CSMD1: variants seen among roughly 807,000 people sequenced by gnomAD.
CSMD1 encodes the protein CUB and Sushi multiple domains 1.
CSMD1 carries 213 observed loss-of-function variants against 417.5 expected under a neutral mutation model. That is an observed-to-expected ratio of 0.51 (90% CI 0.46 to 0.57). The LOEUF (loss-of-function observed/expected upper bound fraction) is 0.57. Ranked by LOEUF, CSMD1 falls within the 20% of genes least tolerant of loss-of-function variation. The pLI, the probability that CSMD1 is intolerant of heterozygous loss-of-function variation, is 0.00. For missense variants in CSMD1, 6,923 were observed against 4,529.7 expected, an observed-to-expected ratio of 1.53 and a Z score of -15.17; for synonymous variants, 2,862 against 1,736.8, an observed-to-expected ratio of 1.65 and a Z score of -16.11.
At chr8:4,691,731 C>T (rs1340039903) in intron 1 of CSMD1, among the ~76,000 whole-genome samples, 1 of 152,196 alleles carries the variant, frequency 6.6e-6, no homozygotes, top group Non-Finnish European at 1.5e-5. Flanking sequence ...TCCAGGTACA[C>T]TACATTGGGA....
intron 2 of CSMD1, among the ~76,000 whole-genome samples, chr8:4,571,574 T>C (rs1798895922): frequency 6.6e-6 from 1 of 152,192 alleles, no homozygotes; most frequent in African/African-American, 2.4e-5. Flanking sequence ...ATGTGGTCCA[T>C]TTTAGAATAA....
intron 18 of CSMD1, chr8:3,375,368 C>T (rs1377073465): frequency 1.3e-5 from 2 of 152,104 alleles, no homozygotes; most frequent in Non-Finnish European, 2.9e-5. Context: ...GAAAGCACAG[C>T]CTTGGGCCTG....
At chr8:4,562,061 G>T (rs1357377744) in intron 2 of CSMD1, among the ~76,000 whole-genome samples, 1 of 152,202 alleles carries the variant, frequency 6.6e-6, no homozygotes, top group African/African-American at 2.4e-5. Context: ...CCAGCAAAGA[G>T]ACGTCAATTA....
Position 3,437,568 on chromosome 8 carries a change from C to T in CSMD1, c.1562-27963G>A, listed in dbSNP as rs144131180. Reference sequence around the variant, plus strand: ...ACGTATCCAGGGAAAAACTGGACTGCAGGAGCCCATCCTCAATGAATGTTA... The same window carrying T: ...ACGTATCCAGGGAAAAACTGGACTGTAGGAGCCCATCCTCAATGAATGTTA... On this transcript the variant is annotated intron_variant, in intron 12 of 69. Coordinates refer to ENST00000635120, the MANE Select transcript of CSMD1 (RefSeq NM_033225.6). Among the ~76,000 whole-genome samples, 41 of 152,286 alleles carry T rather than the reference C, an allele frequency of 2.7e-4. 1 individual carries two copies. The highest frequency in any genetic ancestry group is 3.4e-3 in the Middle Eastern group (1 of 294).
intron 3 of CSMD1, among the ~76,000 whole-genome samples, chr8:4,100,374 T>C (rs1450485058): frequency 6.6e-6 from 1 of 152,190 alleles, no homozygotes; most frequent in East Asian, 1.9e-4. Flanking sequence ...CCACCACCCA[T>C]CTCCTTCCAC....
chr8:4,895,282 GA>G (rs1156872274), intron 1 of CSMD1, among the ~76,000 whole-genome samples: 1 of 152,154 alleles, frequency 6.6e-6, no homozygotes, highest in African/African-American at 2.4e-5. Context: ...TTACGATTAT[GA>G]AAATGGTAAG....
chr8:4,233,342 A>C (rs1489343321), intron 3 of CSMD1, among the ~76,000 whole-genome samples: 1 of 152,184 alleles, frequency 6.6e-6, no homozygotes, highest in Non-Finnish European at 1.5e-5. Flanking sequence ...TGACATATTA[A>C]AAGTACCTAC....
rs185652381 is a variant in CSMD1, at chr8:4,780,402, G to A, written c.86-142844C>T. Among the ~76,000 whole-genome samples the A allele has an allele frequency of 8.6e-5, 13 of 150,920 alleles. No homozygotes were observed. The East Asian group carries it at 2.2e-3, about 25-fold the overall frequency. On this transcript the variant is annotated intron_variant, in intron 1 of 69. Coordinates refer to ENST00000635120, the MANE Select transcript of CSMD1 (RefSeq NM_033225.6). ...AGTGGAACTCAAGGCAGTTCATTCT[G>A]ATTGATCAGTCGATCTGTCTGTCTG...
intron 3 of CSMD1, among the ~76,000 whole-genome samples, chr8:4,321,936 G>C (rs2897795): frequency 0.049 from 7,487 of 151,950 alleles, 602 homozygotes; most frequent in African/African-American, 0.17. Flanking sequence ...TTTTATTTCT[G>C]CATTTTTTCA....
At chr8:3,573,560 A>G (rs1563165781) in intron 10 of CSMD1, among the ~76,000 whole-genome samples, 1 of 151,268 alleles carries the variant, frequency 6.6e-6, no homozygotes. Flanking sequence ...GAATTTTTAC[A>G]TAAATAATAA....
At chr8:4,242,463 G>A (rs1218577812) in intron 3 of CSMD1, among the ~76,000 whole-genome samples, 1 of 152,164 alleles carries the variant, frequency 6.6e-6, no homozygotes, top group Admixed American at 6.5e-5. Flanking sequence ...CTATTGTTGT[G>A]AGCATAAATT....
intron 3 of CSMD1, among the ~76,000 whole-genome samples, chr8:4,251,543 C>A (rs1411875737): frequency 7.9e-5 from 12 of 152,114 alleles, no homozygotes; most frequent in Non-Finnish European, 1.6e-4. Context: ...GATCTCTAAG[C>A]AATTTAATCA....
intron 50 of CSMD1, among the ~76,000 whole-genome samples, chr8:3,034,625 TA>T (rs1337637103): frequency 6.6e-6 from 1 of 152,176 alleles, no homozygotes; most frequent in Non-Finnish European, 1.5e-5. Flanking sequence ...CAAAAGGTTA[TA>T]AAAATCAATG....
intron 7 of CSMD1, among the ~76,000 whole-genome samples, chr8:3,639,870 T>C (rs1259236410): frequency 6.6e-6 from 1 of 152,220 alleles, no homozygotes; most frequent in Non-Finnish European, 1.5e-5. Context: ...GAAAAATATG[T>C]GATATGTTCA....
Position 3,834,605 on chromosome 8 carries a change from G to T in CSMD1, c.819-80563C>A, listed in dbSNP as rs530418733. Among the ~76,000 whole-genome samples the T allele has an allele frequency of 1.7e-3, 264 of 152,246 alleles. 1 individual carries two copies. The highest frequency in any genetic ancestry group is 2.9e-3 in the Admixed American group (44 of 15,270). On this transcript the variant is annotated intron_variant, in intron 5 of 69. Coordinates refer to ENST00000635120, the MANE Select transcript of CSMD1 (RefSeq NM_033225.6). ...AATATATAAATGTAACAAATGTGAA[G>T]GTAATACGTTTCAGAGAGTTCTTTG...
chr8:4,600,597 A>C (rs1001192483), intron 2 of CSMD1, among the ~76,000 whole-genome samples: 2 of 152,202 alleles, frequency 1.3e-5, no homozygotes, highest in Non-Finnish European at 2.9e-5. Flanking sequence ...CATTTATTCA[A>C]ATTCAACATC....
chr8:4,764,453 G>A (rs984941770), intron 1 of CSMD1, among the ~76,000 whole-genome samples: 4 of 151,954 alleles, frequency 2.6e-5, no homozygotes, highest in African/African-American at 9.7e-5. Context: ...ATAATTTTAC[G>A]TTATCGTCTG....
intron 18 of CSMD1, 129 bp from the exon 19 acceptor site, chr8:3,369,499 A>C: frequency 1.7e-6 from 1 of 599,060 alleles, no homozygotes; most frequent in Non-Finnish European, 3.0e-6. Context: ...AAGAAAAACC[A>C]AGCAGAACCT....
intron 1 of CSMD1, among the ~76,000 whole-genome samples, chr8:4,689,889 G>C (rs115837203): frequency 6.6e-6 from 1 of 152,106 alleles, no homozygotes; most frequent in Non-Finnish European, 1.5e-5. Context: ...CTACTATGGA[G>C]GTAAGAAGGA....
Sources: allele counts gnomAD v4.1 joint callset (sites outside exome capture counted in the v4.1 genomes callset), GRCh38; gene constraint gnomAD v4.1.1; transcripts MANE v1.5; gene names NCBI Gene and HGNC (gene_info 2026-07-23, HGNC 2026-07-21).